Variants in GRIN2A observed in about 807,000 individuals in gnomAD.
GRIN2A encodes glutamate receptor ionotropic, NMDA 2A.
In GRIN2A, 22 loss-of-function variants were observed where a neutral mutation model predicts 113.4. That is an observed-to-expected ratio of 0.19 (90% CI 0.14 to 0.28). The LOEUF (loss-of-function observed/expected upper bound fraction) is 0.28. Among genes scored for constraint, GRIN2A ranks in the 10% least tolerant of loss-of-function variants. GRIN2A has a pLI of 1.00. For missense variants in GRIN2A, 1,502 were observed against 1,887.0 expected, an observed-to-expected ratio of 0.80 and a Z score of 3.78; for synonymous variants, 827 against 738.4, an observed-to-expected ratio of 1.12 and a Z score of -1.94.
chr16:10,138,163 G>A (rs1267534893), intron 2 of GRIN2A, among the ~76,000 whole-genome samples: 1 of 152,196 alleles, frequency 6.6e-6, no homozygotes, highest in East Asian at 1.9e-4. Flanking sequence ...AAAGTGGGCT[G>A]TTTCCATCAA....
At chr16:10,081,734 C>G (rs2047986713) in intron 2 of GRIN2A, among the ~76,000 whole-genome samples, 2 of 152,178 alleles carry the variant, frequency 1.3e-5, no homozygotes, top group South Asian at 4.1e-4. Context: ...TTTTTGGAGT[C>G]TCTCCAATAC....
intron 3 of GRIN2A, among the ~76,000 whole-genome samples, chr16:9,923,749 A>C (rs2044400769): frequency 6.6e-6 from 1 of 152,188 alleles, no homozygotes; most frequent in Non-Finnish European, 1.5e-5. Flanking sequence ...ATTTACTTTT[A>C]ACAACCTATT....
intron 2 of GRIN2A, among the ~76,000 whole-genome samples, chr16:9,947,385 G>C (rs888305665): frequency 5.3e-5 from 8 of 152,218 alleles, no homozygotes; most frequent in Non-Finnish European, 7.3e-5. Context: ...CCAGCAAAGA[G>C]AAAAAGCAAA....
chr16:10,180,510 CT>C lies in GRIN2A; in HGVS notation c.-18-82del. On this transcript the variant is annotated intron_variant, in intron 1 of 12. Coordinates refer to ENST00000330684, the MANE Select transcript of GRIN2A (RefSeq NM_001134407.3). This position sits in a 1 kb window ranked among gnomAD's most constrained non-coding sequence, Gnocchi z 7.0. Reference sequence around the variant, plus strand: ...GGGATTACCAACTTGGCTTCCTGCTCTAGGAGCCAGGCATGGAACTCAGCAG... The same window carrying C: ...GGGATTACCAACTTGGCTTCCTGCTCAGGAGCCAGGCATGGAACTCAGCAG... 6.5e-7 allele frequency: 1 copy of C among 1,534,662 alleles called. No individual in the cohort carries two copies. The highest frequency in any genetic ancestry group is 8.7e-7 in the Non-Finnish European group (1 of 1,146,650).
At chr16:9,768,639 T>C (rs941689628) in intron 12 of GRIN2A, among the ~76,000 whole-genome samples, 2 of 152,232 alleles carry the variant, frequency 1.3e-5, no homozygotes, top group Admixed American at 1.3e-4. Flanking sequence ...ATGTCCCGCC[T>C]GCTGCACCCA....
chr16:9,906,160 G>A (rs184753227), intron 3 of GRIN2A, among the ~76,000 whole-genome samples: 11 of 152,260 alleles, frequency 7.2e-5, no homozygotes, highest in Admixed American at 2.0e-4. Context: ...CAGATGAAAT[G>A]TTCCCACACC....
At chr16:9,919,249 CTCATTCT>C (rs930894632) in intron 3 of GRIN2A, among the ~76,000 whole-genome samples, 9 of 152,208 alleles carry the variant, frequency 5.9e-5, no homozygotes, top group African/African-American at 2.2e-4. Flanking sequence ...ATGGCTCTGA[CTCATTCT>C]TCATACCATG....
chr16:10,040,153 G>A (rs984328898), intron 2 of GRIN2A, among the ~76,000 whole-genome samples: 38 of 10,562 alleles, frequency 3.6e-3, no homozygotes, highest in African/African-American at 0.011. Context: ...ATACACACTC[G>A]CAACTTCACT....
At chr16:9,956,589 C>T (rs2141689030) in intron 2 of GRIN2A, among the ~76,000 whole-genome samples, 1 of 152,172 alleles carries the variant, frequency 6.6e-6, no homozygotes, top group African/African-American at 2.4e-5. Flanking sequence ...GCTGAGAATC[C>T]AGTAGTGAAC....
chr16:9,937,660 G>C (rs2044742928), intron 3 of GRIN2A: 3 of 412,884 alleles, frequency 7.3e-6, no homozygotes, highest in Non-Finnish European at 1.3e-5. Context: ...AAAAAATATA[G>C]ATACACTTGA....
intron 8 of GRIN2A, 45 bp from the exon 9 acceptor site, chr16:9,829,697 T>A: frequency 1.4e-6 from 2 of 1,417,524 alleles, no homozygotes; most frequent in Non-Finnish European, 2.0e-6. Context: ...CTGAAAAAAA[T>A]GCCTGTTTGT....
At chr16:9,820,036 C>T (rs1002351680) in intron 10 of GRIN2A, among the ~76,000 whole-genome samples, 1 of 150,370 alleles carries the variant, frequency 6.7e-6, no homozygotes, top group Admixed American at 6.7e-5. Context: ...TAGAATGAAT[C>T]TGCCATCTGC....
chr16:10,068,637 C>T lies in GRIN2A; in HGVS notation c.414+111361G>A, dbSNP rs189921525. On this transcript the variant is annotated intron_variant, in intron 2 of 12. Transcript: ENST00000330684. ...TCCAACACTGGAGATTACAATTCAACGTAAGATTTGGGCAAGACATCCAAA... is the reference window on the plus strand; with the variant it reads ...TCCAACACTGGAGATTACAATTCAATGTAAGATTTGGGCAAGACATCCAAA... Among the ~76,000 whole-genome samples the T allele has an allele frequency of 2.4e-3, 365 of 152,334 alleles. 14 individuals are homozygous for T. Among genetic ancestry groups the T allele is most frequent in the Non-Finnish European group, 2.2e-3 (150 of 68,032 alleles).
chr16:9,893,180 T>C (rs780419279), intron 3 of GRIN2A, among the ~76,000 whole-genome samples: 1 of 152,180 alleles, frequency 6.6e-6, no homozygotes, highest in Non-Finnish European at 1.5e-5. Context: ...AATCATGTTT[T>C]TGAAGACAAA....
intron 2 of GRIN2A, among the ~76,000 whole-genome samples, chr16:9,974,580 C>T (rs1415573068): frequency 3.3e-5 from 5 of 152,266 alleles, no homozygotes; most frequent in South Asian, 4.1e-4. Flanking sequence ...TGCCGATGCT[C>T]GCGGCCGAAT....
intron 2 of GRIN2A, among the ~76,000 whole-genome samples, chr16:10,000,542 A>G (rs1041215804): frequency 6.6e-6 from 1 of 152,062 alleles, no homozygotes; most frequent in East Asian, 1.9e-4. Flanking sequence ...CTAAAGCACT[A>G]TTAATAGTCT....
Position 9,756,688 on chromosome 16 carries a change from C to T in GRIN2A, c.*6461G>A, listed in dbSNP as rs1301478368. ...TTGAGGATCACATTCTAGGATATGC[C>T]TAGAATATCGCCTACACTCAATTTA... On this transcript the variant is annotated 3_prime_UTR_variant, in exon 13 of 13. Transcript: ENST00000330684. The T allele has an allele frequency of 5.3e-6, 1 of 188,518 alleles. No homozygotes were observed. Among genetic ancestry groups the T allele is most frequent in the Non-Finnish European group, 1.1e-5 (1 of 89,652 alleles). The allele number at this position is 188,518 out of a possible 1,614,324, so 11.7% of individuals were successfully genotyped here. A position where few individuals can be genotyped will look rare whatever the true frequency, so the allele number is the denominator to read the frequency against.
intron 11 of GRIN2A, among the ~76,000 whole-genome samples, chr16:9,777,192 C>CCAA (rs1393409919): frequency 6.6e-6 from 1 of 152,060 alleles, no homozygotes; most frequent in African/African-American, 2.4e-5. Context: ...CTGTGGTGAC[C>CCAA]CAACACCCAT....
chr16:10,122,276 A>T (rs1415731841), intron 2 of GRIN2A, among the ~76,000 whole-genome samples: 1 of 152,188 alleles, frequency 6.6e-6, no homozygotes, highest in Non-Finnish European at 1.5e-5. Context: ...TGTGCACAAG[A>T]TCCCCTTTTT....
Sources: gnomAD v4.1 joint callset for allele counts (sites outside exome capture counted in the v4.1 genomes callset) on GRCh38, gnomAD v4.1.1 for gene constraint, Gnocchi (gnomAD v3.1) non-coding constraint, MANE v1.5 for transcripts, NCBI Gene and HGNC (gene_info 2026-07-23, HGNC 2026-07-21) for gene names.